Variants in MCC observed in about 807,000 individuals in gnomAD.
MCC encodes the protein MCC regulator of Wnt signaling pathway, also known as colorectal mutant cancer protein.
A neutral mutation model predicts 116.2 loss-of-function variants in MCC; 90 were observed. That is an observed-to-expected ratio of 0.77 (90% confidence interval 0.65 to 0.92). The LOEUF is 0.92. Among genes scored for constraint, MCC ranks in the 40% least tolerant of loss-of-function variants. The probability of loss-of-function intolerance (pLI) is 0.00; values close to 1 mark genes in which losing one functional copy is unlikely to be tolerated. For missense variants in MCC, 1,516 were observed against 1,312.2 expected, an observed-to-expected ratio of 1.16 and a Z score of -2.40; for synonymous variants, 578 against 510.5, an observed-to-expected ratio of 1.13 and a Z score of -1.78.
intron 3 of MCC, among the ~76,000 whole-genome samples, chr5:113,270,363 G>A (rs139297749): frequency 4.6e-4 from 70 of 152,152 alleles, no homozygotes; most frequent in African/African-American, 1.6e-3. Context: ...ATGTACCTGT[G>A]CTGACTTCGG....
At chr5:113,186,338 C>G (rs1761895169) in intron 3 of MCC, among the ~76,000 whole-genome samples, 1 of 152,148 alleles carries the variant, frequency 6.6e-6, no homozygotes, top group South Asian at 2.1e-4. Flanking sequence ...TGCAGTCTCC[C>G]TTACACCCCC....
At chr5:113,427,455 C>T (rs2150409481) in intron 1 of MCC, among the ~76,000 whole-genome samples, 1 of 152,274 alleles carries the variant, frequency 6.6e-6, no homozygotes, top group East Asian at 1.9e-4. Context: ...GTACAGGAAA[C>T]AAAACTCTGT....
chr5:113,130,659 G>C (rs1376148423), intron 5 of MCC, among the ~76,000 whole-genome samples: 1 of 152,054 alleles, frequency 6.6e-6, no homozygotes, highest in Non-Finnish European at 1.5e-5. Context: ...GGGTGAGTGA[G>C]TTCTCACTCT....
chr5:113,059,345 C>T (rs868335362), intron 14 of MCC, among the ~76,000 whole-genome samples: 1 of 152,160 alleles, frequency 6.6e-6, no homozygotes, highest in Non-Finnish European at 1.5e-5. Flanking sequence ...GAGCTCTTAA[C>T]GTTTCACTGC....
At chr5:113,333,789 TTATATATATATG>T (rs1767759433) in intron 3 of MCC, among the ~76,000 whole-genome samples, 1 of 10,058 alleles carries the variant, frequency 9.9e-5, no homozygotes, top group Non-Finnish European at 3.7e-4. Context: ...TCATATATAT[TTATATATATATG>T]TATATATGTA....
chr5:113,195,510 C>T (rs964681418), intron 3 of MCC, among the ~76,000 whole-genome samples: 7 of 152,144 alleles, frequency 4.6e-5, no homozygotes, highest in Non-Finnish European at 8.8e-5. Context: ...AATGCATTTC[C>T]AATTGCATGT....
chr5:113,336,517 C>T (rs577638436), intron 3 of MCC, among the ~76,000 whole-genome samples: 3 of 149,036 alleles, frequency 2.0e-5, no homozygotes, highest in Admixed American at 1.3e-4. Flanking sequence ...CCAGTTTGTC[C>T]TCAATGGTCC....
intron 3 of MCC, among the ~76,000 whole-genome samples, chr5:113,262,829 A>G (rs982017485): frequency 1.4e-4 from 22 of 152,128 alleles, no homozygotes; most frequent in African/African-American, 5.3e-4. Context: ...TTGCATTTCT[A>G]ACAAGGTCTC....
intron 2 of MCC, among the ~76,000 whole-genome samples, chr5:113,356,472 A>G (rs1277290513): frequency 1.3e-5 from 2 of 151,518 alleles, no homozygotes; most frequent in Non-Finnish European, 2.9e-5. Flanking sequence ...GTAGCAGACC[A>G]CAAATTCTAA....
intron 2 of MCC, among the ~76,000 whole-genome samples, chr5:113,346,340 G>GT (rs1425506419): frequency 2.0e-5 from 3 of 152,194 alleles, no homozygotes; most frequent in Non-Finnish European, 4.4e-5. Flanking sequence ...GCTTATGCCT[G>GT]TAATCCCAGC....
At chr5:113,467,663 A>G (rs1204509453) in intron 1 of MCC, among the ~76,000 whole-genome samples, 1 of 152,080 alleles carries the variant, frequency 6.6e-6, no homozygotes, top group Non-Finnish European at 1.5e-5. Flanking sequence ...ACTTGGCGAC[A>G]CGGGCTCTTT....
intron 1 of MCC, among the ~76,000 whole-genome samples, chr5:113,406,110 ACATT>A (rs1769827021): frequency 6.6e-6 from 1 of 152,212 alleles, no homozygotes. Context: ...CCGAGAAAGA[ACATT>A]CAAACTTGTT....
intron 5 of MCC, among the ~76,000 whole-genome samples, chr5:113,137,225 A>G (rs894864857): frequency 1.3e-5 from 2 of 152,180 alleles, no homozygotes; most frequent in Non-Finnish European, 2.9e-5. Flanking sequence ...TGTCAACCAC[A>G]TAGAAAACCA....
Position 113,196,774 on chromosome 5 carries a change from G to A in MCC, c.628-45352C>T, listed in dbSNP as rs564967231. 7.2e-5 allele frequency among the ~76,000 whole-genome samples: 11 copies of A among 152,246 alleles called. No homozygotes were observed. In the South Asian group the frequency reaches 2.1e-3, roughly 29 times the overall value. ...TGAGGCAGGAGAATCGCTTGAACTG[G>A]GGAGGCAGAGGTTTCAGTGAGCCAA... On this transcript the variant is annotated intron_variant, in intron 3 of 18. Transcript: ENST00000408903.
intron 1 of MCC, among the ~76,000 whole-genome samples, chr5:113,407,545 T>A (rs1769871237): frequency 6.6e-6 from 1 of 152,210 alleles, no homozygotes. Flanking sequence ...ACTGCTCCTG[T>A]ACTCACTCCA....
intron 4 of MCC, among the ~76,000 whole-genome samples, chr5:113,145,995 C>T (rs1396509335): frequency 1.3e-5 from 2 of 151,864 alleles, no homozygotes; most frequent in Non-Finnish European, 2.9e-5. Flanking sequence ...AAAAAAGACT[C>T]AATGTATATT....
At chr5:113,097,805 G>A (rs200022358) in intron 8 of MCC, among the ~76,000 whole-genome samples, 1 of 152,136 alleles carries the variant, frequency 6.6e-6, no homozygotes, top group Non-Finnish European at 1.5e-5. Flanking sequence ...GTATAAACGT[G>A]AGCCACCGCA....
At chr5:113,338,571 C>G (rs1352162272) in intron 3 of MCC, among the ~76,000 whole-genome samples, 1 of 152,206 alleles carries the variant, frequency 6.6e-6, no homozygotes, top group Admixed American at 6.5e-5. Context: ...CTGGAACCCT[C>G]CAGAGAAGGT....
intron 3 of MCC, among the ~76,000 whole-genome samples, chr5:113,275,974 T>A (rs966500807): frequency 6.7e-6 from 1 of 149,680 alleles, no homozygotes; most frequent in African/African-American, 2.5e-5. Flanking sequence ...TGTTTTGTTT[T>A]TTTTTTTTTT....
Sources: gnomAD v4.1 joint callset for allele counts (sites outside exome capture counted in the v4.1 genomes callset) on GRCh38, gnomAD v4.1.1 for gene constraint, MANE v1.5 for transcripts, NCBI Gene and HGNC (gene_info 2026-07-23, HGNC 2026-07-21) for gene names.